Variants in APLP1 observed in about 807,000 individuals in gnomAD.
The protein encoded by APLP1 is amyloid beta precursor like protein 1.
In APLP1, 46 loss-of-function variants were observed where a neutral mutation model predicts 84.5. The ratio of observed to expected loss-of-function variants is 0.54; its 90% CI spans 0.43 to 0.70. The LOEUF is 0.70. Ranked by LOEUF, APLP1 falls within the 30% of genes least tolerant of loss-of-function variation. APLP1 has a pLI of 0.00. For synonymous variants in APLP1, 376 were observed against 364.0 expected (o/e 1.03, Z -0.38); for missense variants, 826 against 900.2 (o/e 0.92, Z 1.05).
At chr19:35,877,680 C>T in intron 11 of APLP1, 38 bp from the exon 12 acceptor site, 2 of 1,508,278 alleles carry the variant, frequency 1.3e-6, no homozygotes, top group Non-Finnish European at 1.8e-6. Context: ...CACCCCTATG[C>T]TCACTACCTC....
intron 7 of APLP1, among the ~76,000 whole-genome samples, chr19:35,872,935 C>T (rs1021040810): frequency 2.0e-5 from 3 of 152,010 alleles, no homozygotes; most frequent in African/African-American, 2.4e-5. Context: ...TCTCGGCCCA[C>T]TGCAACCTCT....
intron 10 of APLP1, 149 bp from the exon 11 acceptor site, chr19:35,876,368 C>A: frequency 1.5e-6 from 1 of 651,974 alleles, no homozygotes; most frequent in Non-Finnish European, 2.7e-6. Flanking sequence ...TCTCCTATGG[C>A]CCAGTTCCTA....
In APLP1 at chr19:35,871,888, G is replaced by T. The variant is rs962301480; in HGVS notation, c.702G>T (p.Gly234=). ...CCTCCACCCGGTCCTGGCCCCCGGG[G>T]AGCAGAGTAGAGGGGGCTGAGGACG... is the stretch of plus-strand genomic sequence containing the variant. The part of the protein sequence containing the change: ...GDPSTRSWPP[G]SRVEGAEDEE... Residue 234 remains glycine, a synonymous_variant, in exon 6 of 17, where the codon GGG becomes GGT. Transcript: ENST00000221891. 2.5e-6 allele frequency: 4 copies of T among 1,614,014 alleles called. No homozygotes were observed. The highest frequency in any genetic ancestry group is 3.4e-6 in the Non-Finnish European group (4 of 1,180,022).
At chr19:35,869,296 C>T in intron 1 of APLP1, 1 of 524,500 alleles carries the variant, frequency 1.9e-6, no homozygotes, top group South Asian at 2.6e-5. Context: ...TTGCATCCTG[C>T]AACGGGAGCC....
chr19:35,876,415 G>A (rs1021808573), intron 10 of APLP1, 102 bp from the exon 11 acceptor site: 12 of 1,006,610 alleles, frequency 1.2e-5, no homozygotes, highest in South Asian at 7.9e-5. Context: ...TGCATGTGCC[G>A]CTTTTCCTCA....
intron 11 of APLP1, among the ~76,000 whole-genome samples, chr19:35,876,879 A>G (rs571882550): frequency 1.1e-3 from 162 of 152,272 alleles, no homozygotes; most frequent in Middle Eastern, 0.01. Flanking sequence ...GGAGTCTAGC[A>G]CAAATGGACC....
rs1448146336 is a variant in APLP1 at position 35,879,569 on chromosome 19, C to T, written c.*128C>T. 5.4e-6 allele frequency: 4 copies of T among 740,030 alleles called. No homozygotes were observed. The highest frequency in any genetic ancestry group is 3.1e-5 in the Admixed American group (1 of 32,126). 45.8% of individuals were successfully genotyped at this position (740,030 alleles called of 1,614,324 possible). A position where few individuals can be genotyped will look rare whatever the true frequency, so the allele number is the denominator to read the frequency against. On this transcript the variant is annotated 3_prime_UTR_variant, in exon 17 of 17. Coordinates refer to ENST00000221891, the MANE Select transcript of APLP1 (RefSeq NM_001024807.3). The stretch of plus-strand genomic sequence containing the variant: ...CATTTCACACCCTTTTGTGAGACGG[C>T]TGGAAATTCTTATTTCCCCTTTCCA...
chr19:35,878,991 C>T lies in APLP1; in HGVS notation c.1713+39C>T, dbSNP rs1432463516. ...CAGCCGGGTACCTAGGGGAAGAGAC[C>T]AGAGGTCAGCGGCCAGGCTGTGATT... is the stretch of plus-strand genomic sequence containing the variant. On this transcript the variant is annotated intron_variant, in intron 15 of 16. Transcript: ENST00000221891. 3 of 1,613,848 alleles carry T rather than the reference C, an allele frequency of 1.9e-6. No homozygotes were observed. The South Asian group carries it at 3.3e-5, about 18-fold the overall frequency.
At position 35,869,765 on chromosome 19, in the gene APLP1, A is replaced by G; in HGVS notation, c.246A>G (p.Arg82=). Reference sequence around the variant, plus strand: ...GGGAACCAGACCCACAGCGCTCTCGACGCTGTCTCCGGGACCCGCAGCGCG... The same window carrying G: ...GGGAACCAGACCCACAGCGCTCTCGGCGCTGTCTCCGGGACCCGCAGCGCG... ...GRWEPDPQRS[R]RCLRDPQRVL... is the part of the protein sequence containing the mutation. The change falls in exon 2 of 17, where the codon CGA becomes CGG. Residue 82 remains arginine (R), a synonymous_variant. Transcript: ENST00000221891. The G allele has an allele frequency of 6.2e-7, 1 of 1,607,716 alleles. No individual in the cohort carries two copies. The highest frequency in any genetic ancestry group is 8.5e-7 in the Non-Finnish European group (1 of 1,178,092).
chr19:35,877,930 G>A, intron 12 of APLP1, 105 bp downstream of exon 12: 2 of 1,295,722 alleles, frequency 1.5e-6, no homozygotes, highest in Non-Finnish European at 2.2e-6. Flanking sequence ...ACAGTGACTG[G>A]GAGAGGATGA....
Position 35,871,325 on chromosome 19 carries a change from C to T in APLP1, c.513C>T (p.Thr171=), listed in dbSNP as rs749822457. ...QERMDQCESS[T]RRHQEAQEAC... ...GCATGGACCAATGTGAGAGTTCAAC[C>T]CGGAGGCATCAGGAGGCACAGGAGG... The change falls in exon 4 of 17, where the codon ACC becomes ACT. Residue 171 remains threonine, a synonymous_variant. Transcript: ENST00000221891. 1 of 1,612,330 alleles carries T rather than the reference C, an allele frequency of 6.2e-7. No homozygotes were observed.
chr19:35,879,156 T>C lies in APLP1; in HGVS notation c.1796T>C (p.Leu599Pro). The C allele has an allele frequency of 1.2e-6, 2 of 1,612,820 alleles. No homozygotes were observed. The highest frequency in any genetic ancestry group is 1.6e-4 in the Middle Eastern group (1 of 6,062). Reference sequence around the variant, plus strand: ...GCGGGCGGAGGCTCCCTCATCGTCCTCTCCATGCTGCTCCTGCGCAGGAAG... The same window carrying C: ...GCGGGCGGAGGCTCCCTCATCGTCCCCTCCATGCTGCTCCTGCGCAGGAAG... Reference protein sequence around the residue: ...MGAGGGSLIVLSMLLLRRKKP... With the variant: ...MGAGGGSLIVPSMLLLRRKKP... Residue 599 changes from leucine (L) to proline (P), a missense_variant, in exon 16 of 17, where the codon CTC (leucine) becomes CCC (proline). Around this residue, in one of 3 missense-constraint regions of APLP1, gnomAD observed 433 missense variants for 496.5 expected, o/e 0.87. Coordinates refer to ENST00000221891, the MANE Select transcript of APLP1 (RefSeq NM_001024807.3).
In APLP1 at chr19:35,879,375, G is replaced by A. The variant is rs760431888; in HGVS notation, c.1890G>A (p.Gln630=). ...CCATGCTGACCCTGGAGGAGCAGCA[G>A]CTCCGCGAACTGCAGCGGCACGGCT... is the stretch of plus-strand genomic sequence containing the variant. ...VDPMLTLEEQ[Q]LRELQRHGYE... is the part of the protein sequence containing the mutation. Residue 630 remains glutamine (Q), a synonymous_variant, in exon 17 of 17, where the codon CAG becomes CAA. Coordinates refer to ENST00000221891, the MANE Select transcript of APLP1 (RefSeq NM_001024807.3). 10 of 1,613,862 alleles carry A rather than the reference G, an allele frequency of 6.2e-6. 1 individual carries two copies. The African/African-American group carries it at 1.3e-4, about 22-fold the overall frequency.
chr19:35,879,268 G>A, intron 16 of APLP1, 51 bp downstream of exon 16: 1 of 1,609,092 alleles, frequency 6.2e-7, no homozygotes, highest in South Asian at 1.1e-5. Flanking sequence ...GAGCCCGGGT[G>A]TGGGCGGCCT....
chr19:35,871,647 G>T lies in APLP1; in HGVS notation c.573G>T (p.Ser191=). 1 of 1,613,934 alleles carries T rather than the reference G, an allele frequency of 6.2e-7. No individual in the cohort carries two copies. Among genetic ancestry groups the T allele is most frequent in the Non-Finnish European group, 8.5e-7 (1 of 1,179,942 alleles). ...CSSQGLILHG[S]GMLLPCGSDR... Reference sequence around the variant, plus strand: ...CCCAGGGCCTCATCCTGCACGGCTCGGGCATGCTCTTACCCTGTGGCTCGG... The same window carrying T: ...CCCAGGGCCTCATCCTGCACGGCTCTGGCATGCTCTTACCCTGTGGCTCGG... The change falls in exon 5 of 17, where the codon TCG becomes TCT. Residue 191 remains serine, a synonymous_variant. Transcript: ENST00000221891.
chr19:35,874,616 C>CAT lies in APLP1; in HGVS notation c.1169_1170insAT (p.Ala391LeufsTer66). 6.2e-7 allele frequency: 1 copy of CAT among 1,613,926 alleles called. No individual in the cohort carries two copies. The highest frequency in any genetic ancestry group is 8.5e-7 in the Non-Finnish European group (1 of 1,180,034). ...GCCCTTATCAACGACCAGCGCCGGGCTGCCTTGGAGGGCTTCCTGGCAGCC... is the reference window on the plus strand; with the variant it reads ...GCCCTTATCAACGACCAGCGCCGGGCATTGCCTTGGAGGGCTTCCTGGCAGCC... On this transcript the variant is annotated frameshift_variant, in exon 9 of 17. Transcript: ENST00000221891. LOFTEE classifies it high-confidence loss of function. This position sits in a 1 kb window ranked among gnomAD's most constrained non-coding sequence, Gnocchi z 6.4.
chr19:35,874,440 C>T lies in APLP1; in HGVS notation c.1057-64C>T, dbSNP rs575344606. On this transcript the variant is annotated intron_variant, in intron 8 of 16. Coordinates refer to ENST00000221891, the MANE Select transcript of APLP1 (RefSeq NM_001024807.3). This position sits in a 1 kb window ranked among gnomAD's most constrained non-coding sequence, Gnocchi z 6.4. ...CCCCATGTAGCCCTGCCTTTCCAGG[C>T]TCTCTTTGACCAGGCTTTGACCCAT... 7 of 1,589,188 alleles carry T rather than the reference C, an allele frequency of 4.4e-6. No homozygotes were observed. The South Asian group carries it at 5.6e-5, about 13-fold the overall frequency.
At chr19:35,873,002 G>A (rs898646035) in intron 7 of APLP1, among the ~76,000 whole-genome samples, 12 of 152,108 alleles carry the variant, frequency 7.9e-5, no homozygotes, top group Admixed American at 6.5e-4. Flanking sequence ...TGGGATTACA[G>A]GCACCCACCA....
At position 35,869,825 on chromosome 19, in the gene APLP1, A is replaced by G. The variant is rs753993250; in HGVS notation, c.291+15A>G. 6 of 1,581,126 alleles carry G rather than the reference A, an allele frequency of 3.8e-6. No individual in the cohort carries two copies. The Admixed American group carries it at 1.1e-4, about 29-fold the overall frequency. On this transcript the variant is annotated intron_variant, in intron 2 of 16. Coordinates refer to ENST00000221891, the MANE Select transcript of APLP1 (RefSeq NM_001024807.3). ...ACTGCAGACAGGTGGGCGGGGCCGA[A>G]CGGGAGAGGCGGGGCCGCCCATAGA...
Sources: allele counts gnomAD v4.1 joint callset (sites outside exome capture counted in the v4.1 genomes callset), GRCh38; gene constraint gnomAD v4.1.1; regional missense constraint gnomAD v4.1.1; non-coding constraint Gnocchi (gnomAD v3.1); transcripts MANE v1.5; gene names NCBI Gene and HGNC (gene_info 2026-07-23, HGNC 2026-07-21).